FSTL5: variants seen among roughly 807,000 people sequenced by gnomAD.
The protein encoded by FSTL5 is follistatin-related protein 5.
FSTL5 carries 62 observed loss-of-function variants against 89.1 expected under a neutral mutation model. The observed-to-expected ratio is 0.70, with a 90% CI of 0.57 to 0.86. The LOEUF is 0.86. Ranked by LOEUF, FSTL5 falls within the 40% of genes least tolerant of loss-of-function variation. The pLI, the probability that FSTL5 is intolerant of heterozygous loss-of-function variation, is 0.00. For synonymous variants in FSTL5, 383 were observed against 346.2 expected (o/e 1.11, Z -1.18); for missense variants, 1,057 against 1,001.6 (o/e 1.06, Z -0.75).
chr4:161,940,422 C>T (rs1734547675), intron 3 of FSTL5, among the ~76,000 whole-genome samples: 1 of 151,676 alleles, frequency 6.6e-6, no homozygotes, highest in East Asian at 1.9e-4. Flanking sequence ...CATTAATTTA[C>T]ACATCCAATG....
At chr4:162,046,406 C>CG (rs1324921059) in intron 2 of FSTL5, among the ~76,000 whole-genome samples, 1 of 151,842 alleles carries the variant, frequency 6.6e-6, no homozygotes, top group Non-Finnish European at 1.5e-5. Context: ...GTAATTTACT[C>CG]GGGGAAAAGA....
At chr4:161,760,676 T>C (rs1318304168) in intron 5 of FSTL5, among the ~76,000 whole-genome samples, 1 of 152,212 alleles carries the variant, frequency 6.6e-6, no homozygotes, top group Non-Finnish European at 1.5e-5. Flanking sequence ...GCATTGCTTC[T>C]TTAAATAATT....
chr4:162,000,118 A>C (rs1167270444), intron 3 of FSTL5, among the ~76,000 whole-genome samples: 4 of 152,212 alleles, frequency 2.6e-5, no homozygotes, highest in African/African-American at 9.7e-5. Flanking sequence ...AAAATCAGTC[A>C]AAAACTCTGT....
intron 4 of FSTL5, among the ~76,000 whole-genome samples, chr4:161,861,082 T>C (rs1234198718): frequency 2.6e-5 from 4 of 152,230 alleles, no homozygotes; most frequent in Non-Finnish European, 5.9e-5. Context: ...AATATTTGTA[T>C]TGATATTATC....
intron 4 of FSTL5, among the ~76,000 whole-genome samples, chr4:161,873,336 T>C (rs574308972): frequency 6.6e-6 from 1 of 152,094 alleles, no homozygotes; most frequent in East Asian, 1.9e-4. Flanking sequence ...TGCAGAAAAC[T>C]CCAAAGAACC....
chr4:161,623,406 G>C (rs1735209643), intron 7 of FSTL5, among the ~76,000 whole-genome samples: 1 of 151,744 alleles, frequency 6.6e-6, no homozygotes, highest in African/African-American at 2.4e-5. Context: ...TGTTGAATTA[G>C]ATTACATAAA....
At chr4:161,487,701 CTT>C in intron 12 of FSTL5, among the ~76,000 whole-genome samples, 1 of 151,958 alleles carries the variant, frequency 6.6e-6, no homozygotes, top group East Asian at 1.9e-4. Context: ...TTCAGTATTT[CTT>C]TCTTTTAAGT....
At chr4:161,836,437 T>G (rs1579128868) in intron 4 of FSTL5, among the ~76,000 whole-genome samples, 1 of 143,772 alleles carries the variant, frequency 7.0e-6, no homozygotes, top group South Asian at 2.2e-4. Context: ...ACATGTAACC[T>G]AAAACTTAAA....
In FSTL5 at chr4:162,094,301, C is replaced by T. The variant is rs558198986; in HGVS notation, c.126+16970G>A. Among the ~76,000 whole-genome samples, 50 of 152,168 alleles carry T rather than the reference C, an allele frequency of 3.3e-4. 1 individual carries two copies. Among genetic ancestry groups the T allele is most frequent in the Admixed American group, 1.1e-3 (17 of 15,280 alleles). ...ACTTGGGAGGCTGAGGCAGGAGAAT[C>T]GCTTGAACCTGGGAGGCAGAGGTTG... On this transcript the variant is annotated intron_variant, in intron 2 of 15. Coordinates refer to ENST00000306100, the MANE Select transcript of FSTL5 (RefSeq NM_020116.5).
chr4:161,815,817 C>T (rs533058616), intron 4 of FSTL5, among the ~76,000 whole-genome samples: 29 of 152,128 alleles, frequency 1.9e-4, no homozygotes, highest in Admixed American at 5.2e-4. Flanking sequence ...TACTAAATTT[C>T]ATTATTTATT....
chr4:162,015,086 T>C (rs1300625592), intron 3 of FSTL5, among the ~76,000 whole-genome samples: 1 of 152,172 alleles, frequency 6.6e-6, no homozygotes, highest in Non-Finnish European at 1.5e-5. Flanking sequence ...AGAGTGATTT[T>C]ACAATCAAAA....
At chr4:161,698,840 C>T (rs1384611537) in intron 6 of FSTL5, among the ~76,000 whole-genome samples, 1 of 152,092 alleles carries the variant, frequency 6.6e-6, no homozygotes, top group Non-Finnish European at 1.5e-5. Flanking sequence ...ATTCCAGCTA[C>T]TCAGGAGGCT....
intron 4 of FSTL5, among the ~76,000 whole-genome samples, chr4:161,850,411 T>C (rs1229680478): frequency 1.3e-5 from 2 of 152,194 alleles, no homozygotes; most frequent in Non-Finnish European, 2.9e-5. Context: ...TTCAGCATGA[T>C]AAGACAAGGT....
chr4:161,994,509 G>A (rs1736231093), intron 3 of FSTL5, among the ~76,000 whole-genome samples: 1 of 151,966 alleles, frequency 6.6e-6, no homozygotes, highest in Non-Finnish European at 1.5e-5. Context: ...CAATGTATAA[G>A]TGTTCCCTTT....
intron 3 of FSTL5, among the ~76,000 whole-genome samples, chr4:161,931,945 T>C (rs556568779): frequency 3.9e-5 from 6 of 152,088 alleles, no homozygotes; most frequent in African/African-American, 1.4e-4. Flanking sequence ...ATTGTACCAG[T>C]GTGCCAAGTT....
chr4:161,561,828 C>T (rs1410008298), intron 8 of FSTL5, among the ~76,000 whole-genome samples: 1 of 151,920 alleles, frequency 6.6e-6, no homozygotes, highest in Non-Finnish European at 1.5e-5. Flanking sequence ...GTTTGGAGGG[C>T]AGAAGAAAAA....
At chr4:161,828,161 G>A (rs1730725437) in intron 4 of FSTL5, among the ~76,000 whole-genome samples, 1 of 152,124 alleles carries the variant, frequency 6.6e-6, no homozygotes, top group Non-Finnish European at 1.5e-5. Context: ...ACTATATTTT[G>A]CTTGGCTCTC....
At chr4:161,985,087 GT>G (rs1735926773) in intron 3 of FSTL5, among the ~76,000 whole-genome samples, 1 of 151,786 alleles carries the variant, frequency 6.6e-6, no homozygotes, top group African/African-American at 2.4e-5. Flanking sequence ...CTCCGGAGTA[GT>G]TGAGATTACA....
chr4:161,447,864 A>G (rs1010436550), intron 15 of FSTL5, among the ~76,000 whole-genome samples: 1 of 152,144 alleles, frequency 6.6e-6, no homozygotes, highest in South Asian at 2.1e-4. Context: ...ACACAGGCAT[A>G]TATAAAAGTA....
Sources: allele counts gnomAD v4.1 joint callset (sites outside exome capture counted in the v4.1 genomes callset), GRCh38; gene constraint gnomAD v4.1.1; transcripts MANE v1.5; gene names NCBI Gene and HGNC (gene_info 2026-07-23, HGNC 2026-07-21).